MGAT4C: variants seen among roughly 807,000 people sequenced by gnomAD.
MGAT4C encodes the protein MGAT4 family member C.
A neutral mutation model predicts 40.1 loss-of-function variants in MGAT4C; 19 were observed. The ratio of observed to expected loss-of-function variants is 0.47; its 90% CI spans 0.33 to 0.70. MGAT4C has a LOEUF of 0.70. Among genes scored for constraint, MGAT4C ranks in the 30% least tolerant of loss-of-function variants. MGAT4C has a pLI of 0.02. For missense variants in MGAT4C, 491 were observed against 563.2 expected (o/e 0.87, Z 1.30); for synonymous variants, 181 against 187.1 (o/e 0.97, Z 0.27).
intron 1 of MGAT4C, among the ~76,000 whole-genome samples, chr12:86,229,947 TCCA>T (rs1015825109): frequency 6.6e-6 from 1 of 151,998 alleles, no homozygotes; most frequent in Non-Finnish European, 1.5e-5. Flanking sequence ...CTTCTGTTCT[TCCA>T]CCACCCTCAA....
At chr12:86,650,523 G>A (rs1963665360) in intron 2 of MGAT4C, among the ~76,000 whole-genome samples, 1 of 151,882 alleles carries the variant, frequency 6.6e-6, no homozygotes, top group Admixed American at 6.6e-5. Flanking sequence ...GCAGAAAAGT[G>A]CCACTAGCTT....
At chr12:86,654,856 G>A (rs560014693) in intron 2 of MGAT4C, among the ~76,000 whole-genome samples, 7 of 151,826 alleles carry the variant, frequency 4.6e-5, no homozygotes, top group Non-Finnish European at 7.4e-5. Context: ...TAAACAGGAA[G>A]CATCTTTCAA....
chr12:86,611,496 A>AGATAGATAGATAGAT (rs1285297878), intron 2 of MGAT4C, among the ~76,000 whole-genome samples: 6 of 151,836 alleles, frequency 4.0e-5, no homozygotes, highest in Non-Finnish European at 7.4e-5. Context: ...ATAGATAGAT[A>AGATAGATAGATAGAT]GATACATGTT....
intron 4 of MGAT4C, among the ~76,000 whole-genome samples, chr12:86,297,975 T>C (rs889093852): frequency 4.6e-5 from 7 of 152,140 alleles, no homozygotes; most frequent in African/African-American, 1.7e-4. Context: ...TGAAAACATA[T>C]ATATAAAGAT....
chr12:86,233,044 A>G (rs1464122181), intron 1 of MGAT4C, among the ~76,000 whole-genome samples: 2 of 152,240 alleles, frequency 1.3e-5, no homozygotes, highest in African/African-American at 2.4e-5. Context: ...AAAAGATTCA[A>G]TGAGGCAGGT....
intron 2 of MGAT4C, among the ~76,000 whole-genome samples, chr12:86,725,386 G>A (rs1262090803): frequency 6.6e-6 from 1 of 152,148 alleles, no homozygotes; most frequent in Non-Finnish European, 1.5e-5. Flanking sequence ...AGTCAGACCA[G>A]ACAACATTAA....
intron 2 of MGAT4C, among the ~76,000 whole-genome samples, chr12:86,464,186 A>G (rs78893926): frequency 0.011 from 1,699 of 152,290 alleles, 19 homozygotes; most frequent in East Asian, 0.045. Context: ...TTCCAAATAA[A>G]GTTTACTGGG....
At chr12:86,673,875 GA>G (rs1465593002) in intron 2 of MGAT4C, among the ~76,000 whole-genome samples, 2 of 151,862 alleles carry the variant, frequency 1.3e-5, no homozygotes, top group Admixed American at 1.3e-4. Context: ...CATTTTTTAT[GA>G]AGGGAATAAA....
At chr12:86,296,877 C>T (rs1285956660) in intron 4 of MGAT4C, among the ~76,000 whole-genome samples, 6 of 152,228 alleles carry the variant, frequency 3.9e-5, no homozygotes, top group Admixed American at 2.0e-4. Context: ...CCTCAAGTGC[C>T]GCCGAAGTGG....
chr12:86,636,567 A>C (rs1565897287), intron 2 of MGAT4C, among the ~76,000 whole-genome samples: 1 of 151,980 alleles, frequency 6.6e-6, no homozygotes, highest in Non-Finnish European at 1.5e-5. Context: ...TTTTCTCTCT[A>C]TGCTTTTCAT....
chr12:86,652,726 A>G (rs1963728102), intron 2 of MGAT4C, among the ~76,000 whole-genome samples: 1 of 151,974 alleles, frequency 6.6e-6, no homozygotes, highest in Non-Finnish European at 1.5e-5. Context: ...CTCTTCAGAG[A>G]GGAAAATTTA....
At chr12:86,032,144 G>A (rs1479508672) in intron 2 of MGAT4C, among the ~76,000 whole-genome samples, 2 of 151,752 alleles carry the variant, frequency 1.3e-5, no homozygotes, top group South Asian at 2.1e-4. Context: ...TATCTACCAC[G>A]TTTTCTTTAT....
intron 2 of MGAT4C, among the ~76,000 whole-genome samples, chr12:86,519,896 G>T (rs1275810824): frequency 6.6e-6 from 1 of 151,848 alleles, no homozygotes; most frequent in African/African-American, 2.4e-5. Context: ...AGATTTTTTA[G>T]CTTGATGTAA....
At chr12:86,531,023 C>G (rs913269755) in intron 2 of MGAT4C, among the ~76,000 whole-genome samples, 1 of 151,968 alleles carries the variant, frequency 6.6e-6, no homozygotes, top group Non-Finnish European at 1.5e-5. Context: ...ATAGCAGCCC[C>G]CTCTATTATT....
intron 3 of MGAT4C, among the ~76,000 whole-genome samples, chr12:85,984,605 T>C (rs976206999): frequency 1.3e-5 from 2 of 152,166 alleles, no homozygotes; most frequent in African/African-American, 4.8e-5. Context: ...CATCATTTGA[T>C]CAAGCCTTTA....
At chr12:86,551,868 T>C (rs1381249948) in intron 2 of MGAT4C, among the ~76,000 whole-genome samples, 1 of 152,014 alleles carries the variant, frequency 6.6e-6, no homozygotes, top group African/African-American at 2.4e-5. Context: ...GATTACACTA[T>C]TGTGTCCAAC....
intron 4 of MGAT4C, among the ~76,000 whole-genome samples, chr12:86,287,710 A>C (rs552056289): frequency 6.6e-6 from 1 of 150,994 alleles, no homozygotes; most frequent in Admixed American, 6.6e-5. Context: ...GGCTGCATAG[A>C]GCCAAAACTG....
intron 1 of MGAT4C, among the ~76,000 whole-genome samples, chr12:86,744,369 A>G (rs1951119086): frequency 6.6e-6 from 1 of 151,624 alleles, no homozygotes; most frequent in Admixed American, 6.6e-5. Flanking sequence ...CAGGGTGGGG[A>G]AGAATAAACG....
chr12:86,818,751 T>C (rs1952650252), intron 1 of MGAT4C, among the ~76,000 whole-genome samples: 1 of 151,202 alleles, frequency 6.6e-6, no homozygotes, highest in African/African-American at 2.4e-5. Context: ...TCATCTCAAG[T>C]GCTAGAACAG....
Sources: gnomAD v4.1 joint callset for allele counts (sites outside exome capture counted in the v4.1 genomes callset) on GRCh38, gnomAD v4.1.1 for gene constraint, MANE v1.5 for transcripts, NCBI Gene and HGNC (gene_info 2026-07-23, HGNC 2026-07-21) for gene names.